The following SNCAIP variants were observed in gnomAD, a reference collection of about 807,000 sequenced individuals.
The protein encoded by SNCAIP is synphilin-1.
Under a neutral mutation model 86.7 loss-of-function variants are expected in SNCAIP, and 43 were observed. The observed-to-expected ratio is 0.50, with a 90% CI of 0.39 to 0.64. SNCAIP has a LOEUF of 0.64. Ranked by LOEUF, SNCAIP falls within the 30% of genes least tolerant of loss-of-function variation. SNCAIP has a pLI of 0.00. For synonymous variants in SNCAIP, 417 were observed against 427.2 expected, an observed-to-expected ratio of 0.98 and a Z score of 0.29; for missense variants, 981 against 1,103.1, an observed-to-expected ratio of 0.89 and a Z score of 1.57.
At chr5:122,452,913 G>A (rs1581404478) in intron 10 of SNCAIP, 1 of 1,531,958 alleles carries the variant, frequency 6.5e-7, no homozygotes, top group Non-Finnish European at 8.8e-7. Context: ...ATTTTTAATT[G>A]CACCTCTCTA....
chr5:122,452,099 A>T (rs963245742), intron 10 of SNCAIP, among the ~76,000 whole-genome samples: 4 of 152,210 alleles, frequency 2.6e-5, no homozygotes, highest in African/African-American at 9.6e-5. Flanking sequence ...TTTGAAATGA[A>T]TACACCACAG....
At chr5:122,457,157 A>C (rs1784955478) in intron 10 of SNCAIP, among the ~76,000 whole-genome samples, 1 of 151,824 alleles carries the variant, frequency 6.6e-6, no homozygotes, top group African/African-American at 2.4e-5. Flanking sequence ...GTATGCCACT[A>C]CCACCCAGCT....
At chr5:122,379,142 T>C in intron 1 of SNCAIP, among the ~76,000 whole-genome samples, 1 of 74,096 alleles carries the variant, frequency 1.3e-5, no homozygotes, top group Non-Finnish European at 2.6e-5. Context: ...TATGGCCATT[T>C]TCACAATATT....
In SNCAIP at chr5:122,379,080, T is replaced by G. The variant is rs1365680833; in HGVS notation, c.-46-12009T>G. Reference sequence around the variant, plus strand: ...GTTTTTTCCAATTCTGTGAAGAAAGTCATTGGTAGCTTGATGGGGATGGCA... The same window carrying G: ...GTTTTTTCCAATTCTGTGAAGAAAGGCATTGGTAGCTTGATGGGGATGGCA... On this transcript the variant is annotated intron_variant, in intron 1 of 10. Transcript: ENST00000261368. Among the ~76,000 whole-genome samples the G allele has an allele frequency of 1.5e-3, 138 of 91,518 alleles. 3 individuals are homozygous for G. The highest frequency in any genetic ancestry group is 8.5e-3 in the Middle Eastern group (2 of 234). 60.0% of individuals were successfully genotyped at this position (91,518 alleles called of 152,430 possible). A position where few individuals can be genotyped will look rare whatever the true frequency, so the allele number is the denominator to read the frequency against.
At chr5:122,355,773 A>G (rs1224901064) in intron 1 of SNCAIP, among the ~76,000 whole-genome samples, 1 of 152,166 alleles carries the variant, frequency 6.6e-6, no homozygotes, top group Non-Finnish European at 1.5e-5. Context: ...ATCTCGTTAC[A>G]GTTGAATTTA....
At chr5:122,378,147 G>T (rs1765784246) in intron 1 of SNCAIP, among the ~76,000 whole-genome samples, 1 of 147,442 alleles carries the variant, frequency 6.8e-6, no homozygotes, top group African/African-American at 2.5e-5. Context: ...CTAGTTTACA[G>T]TCCCACCAAC....
intron 1 of SNCAIP, among the ~76,000 whole-genome samples, chr5:122,347,396 CT>C (rs72100282): frequency 0.048 from 6,728 of 139,532 alleles, 411 homozygotes; most frequent in African/African-American, 0.16. Context: ...GATTTCTTTC[CT>C]TTTTTTTTTT....
chr5:122,349,155 C>G (rs1359955152), intron 1 of SNCAIP, among the ~76,000 whole-genome samples: 1 of 152,132 alleles, frequency 6.6e-6, no homozygotes, highest in Non-Finnish European at 1.5e-5. Flanking sequence ...TCAGTTGATT[C>G]CTTCGTTTAA....
At chr5:122,368,085 A>G (rs1484041565) in intron 1 of SNCAIP, among the ~76,000 whole-genome samples, 3 of 152,264 alleles carry the variant, frequency 2.0e-5, no homozygotes, top group Middle Eastern at 3.4e-3. Flanking sequence ...TTGCCATTGC[A>G]ATTAACAGAC....
intron 3 of SNCAIP, among the ~76,000 whole-genome samples, chr5:122,421,498 A>G (rs1326519031): frequency 1.3e-5 from 2 of 152,240 alleles, no homozygotes; most frequent in Non-Finnish European, 2.9e-5. Context: ...AGAATCAGTC[A>G]TAGCCAGAGG....
At chr5:122,436,197 AT>A (rs1168149721) in intron 6 of SNCAIP, among the ~76,000 whole-genome samples, 3,061 of 147,564 alleles carry the variant, frequency 0.021, 83 homozygotes, top group African/African-American at 0.067. Context: ...AGATATTTTA[AT>A]TTTTTTTTTT....
In SNCAIP at chr5:122,397,035, C is replaced by T. The variant is rs147682276; in HGVS notation, c.57+5844C>T. Among the ~76,000 whole-genome samples the T allele has an allele frequency of 5.3e-5, 8 of 152,166 alleles. No homozygotes were observed. The South Asian group carries it at 8.3e-4, about 16-fold the overall frequency. On this transcript the variant is annotated intron_variant, in intron 2 of 10. Coordinates refer to ENST00000261368, the MANE Select transcript of SNCAIP (RefSeq NM_005460.4). ...TTAACTGTGCATCAGACACTCTTCC[C>T]AGGTTTTATATTACTAGTTCATAAT...
intron 2 of SNCAIP, chr5:122,401,008 G>C: frequency 6.5e-7 from 1 of 1,550,202 alleles, no homozygotes; most frequent in Non-Finnish European, 8.7e-7. Flanking sequence ...CAAGGGAACA[G>C]GCTACAAAAG....
chr5:122,357,130 C>T (rs1012143134), intron 1 of SNCAIP, among the ~76,000 whole-genome samples: 1 of 152,136 alleles, frequency 6.6e-6, no homozygotes, highest in Non-Finnish European at 1.5e-5. Context: ...ATGCTTTTGC[C>T]CTTGCAGCAT....
At chr5:122,318,848 A>T (rs1299727137) in intron 1 of SNCAIP, among the ~76,000 whole-genome samples, 1 of 152,058 alleles carries the variant, frequency 6.6e-6, no homozygotes, top group East Asian at 1.9e-4. Context: ...ATCAGAGAGG[A>T]TATTTAATAA....
intron 8 of SNCAIP, among the ~76,000 whole-genome samples, chr5:122,449,524 A>G (rs1359444520): frequency 6.6e-6 from 1 of 152,174 alleles, no homozygotes; most frequent in African/African-American, 2.4e-5. Context: ...GACTTCTTCT[A>G]TGTCCATAGA....
intron 3 of SNCAIP, among the ~76,000 whole-genome samples, chr5:122,407,843 G>T (rs572578535): frequency 1.3e-5 from 2 of 152,112 alleles, no homozygotes; most frequent in Non-Finnish European, 2.9e-5. Context: ...CAACCACAGG[G>T]TCATGTAGCC....
intron 1 of SNCAIP, among the ~76,000 whole-genome samples, chr5:122,328,413 GT>G (rs1193481300): frequency 2.0e-5 from 3 of 152,146 alleles, no homozygotes; most frequent in Non-Finnish European, 2.9e-5. Flanking sequence ...AAATTTCCTA[GT>G]TTGGTGAATA....
At chr5:122,357,954 C>G (rs1264021280) in intron 1 of SNCAIP, among the ~76,000 whole-genome samples, 1 of 152,062 alleles carries the variant, frequency 6.6e-6, no homozygotes, top group African/African-American at 2.4e-5. Context: ...CTGTTTGGTT[C>G]ATTCACTGCT....
Sources: gnomAD v4.1 joint callset for allele counts (sites outside exome capture counted in the v4.1 genomes callset) on GRCh38, gnomAD v4.1.1 for gene constraint, MANE v1.5 for transcripts, NCBI Gene and HGNC (gene_info 2026-07-23, HGNC 2026-07-21) for gene names.